The following DIAPH2 variants were observed in gnomAD, a reference collection of about 807,000 sequenced individuals.
The protein encoded by DIAPH2 is protein diaphanous homolog 2.
Under a neutral mutation model 92.7 loss-of-function variants are expected in DIAPH2, and 35 were observed. The ratio of observed to expected loss-of-function variants is 0.38; its 90% CI spans 0.29 to 0.50. DIAPH2 has a LOEUF of 0.50. Among genes scored for constraint, DIAPH2 ranks in the 20% least tolerant of loss-of-function variants. The probability of loss-of-function intolerance (pLI) is 0.94; values close to 1 mark genes in which losing one functional copy is unlikely to be tolerated. For synonymous variants in DIAPH2, 301 were observed against 280.4 expected, an observed-to-expected ratio of 1.07 and a Z score of -0.73; for missense variants, 701 against 819.5, an observed-to-expected ratio of 0.86 and a Z score of 1.77.
At chrX:96,907,103 A>G (rs1054877856) in intron 5 of DIAPH2, among the ~76,000 whole-genome samples, 3 of 112,067 alleles carry the variant, frequency 2.7e-5, no homozygotes, top group Non-Finnish European at 5.6e-5. Context: ...TATAACACAA[A>G]ATCACCAATA....
chrX:97,325,311 A>C (rs2147660335), intron 23 of DIAPH2, among the ~76,000 whole-genome samples: 1 of 111,783 alleles, frequency 8.9e-6, no homozygotes, highest in South Asian at 3.7e-4. Flanking sequence ...TCTTATAGCC[A>C]TAATTTGCCT....
At chrX:97,272,075 T>C (rs140818214) in intron 23 of DIAPH2, among the ~76,000 whole-genome samples, 7,812 of 110,041 alleles carry the variant, frequency 0.071, 352 homozygotes, top group African/African-American at 0.17. Context: ...CTTGGCTCAC[T>C]GCAACCTCCA....
chrX:97,349,364 C>T (rs2069190845), intron 24 of DIAPH2, among the ~76,000 whole-genome samples: 1 of 111,143 alleles, frequency 9.0e-6, no homozygotes, highest in Non-Finnish European at 1.9e-5. Context: ...GTTGGGATTA[C>T]AGGCGTGAGG....
chrX:96,928,658 C>T (rs936522641), intron 9 of DIAPH2, among the ~76,000 whole-genome samples: 9 of 110,508 alleles, frequency 8.1e-5, no homozygotes, highest in African/African-American at 2.6e-4. Context: ...GTTTATTCAT[C>T]TGTTATTTGT....
chrX:97,453,652 CGTT>C (rs1317976508), intron 26 of DIAPH2, among the ~76,000 whole-genome samples: 1 of 111,359 alleles, frequency 9.0e-6, no homozygotes, highest in South Asian at 3.8e-4. Context: ...AGCCATATGA[CGTT>C]GTTGTTTGAC....
chrX:97,495,575 T>C (rs2070752575), intron 26 of DIAPH2, among the ~76,000 whole-genome samples: 1 of 111,624 alleles, frequency 9.0e-6, no homozygotes, highest in African/African-American at 3.3e-5. Context: ...AAACCCCTTA[T>C]AGGCCACTGG....
At chrX:97,470,696 A>G (rs1169507963) in intron 26 of DIAPH2, among the ~76,000 whole-genome samples, 1 of 110,049 alleles carries the variant, frequency 9.1e-6, no homozygotes, top group Non-Finnish European at 1.9e-5. Flanking sequence ...GTGTTAAGAA[A>G]AAAAAAAAAA....
chrX:97,450,352 CT>C (rs2070348656), intron 26 of DIAPH2, among the ~76,000 whole-genome samples: 1 of 111,894 alleles, frequency 8.9e-6, no homozygotes, highest in South Asian at 3.7e-4. Context: ...TGTATACAAT[CT>C]TTAACCTACA....
At chrX:97,229,250 A>AG (rs1474964081) in intron 22 of DIAPH2, among the ~76,000 whole-genome samples, 1 of 111,981 alleles carries the variant, frequency 8.9e-6, no homozygotes, top group Non-Finnish European at 1.9e-5. Context: ...AGCTCTGGGG[A>AG]CTTCAAATGT....
At chrX:96,854,253 A>G (rs944571440) in intron 4 of DIAPH2, among the ~76,000 whole-genome samples, 1 of 110,455 alleles carries the variant, frequency 9.1e-6, no homozygotes, top group South Asian at 3.8e-4. Context: ...GACCTCATTC[A>G]TCTTTTAAGC....
intron 25 of DIAPH2, among the ~76,000 whole-genome samples, chrX:97,390,851 T>G (rs772705022): frequency 3.6e-5 from 4 of 112,347 alleles, no homozygotes; most frequent in Non-Finnish European, 7.5e-5. Flanking sequence ...AATATCCAAA[T>G]AAGTTTTTAT....
intron 1 of DIAPH2, among the ~76,000 whole-genome samples, chrX:96,720,407 C>A (rs920091632): frequency 1.8e-4 from 20 of 111,628 alleles, no homozygotes; most frequent in African/African-American, 6.5e-4. Context: ...TTATTACTTA[C>A]ACTCGAAGAG....
chrX:97,256,497 T>C (rs1419424749), intron 23 of DIAPH2, among the ~76,000 whole-genome samples: 3 of 112,491 alleles, frequency 2.7e-5, no homozygotes, highest in Non-Finnish European at 5.6e-5. Context: ...CTCAATCATG[T>C]ACTGTTTTCA....
At chrX:96,876,981 A>G (rs767891148) in intron 4 of DIAPH2, among the ~76,000 whole-genome samples, 88 of 111,412 alleles carry the variant, frequency 7.9e-4, no homozygotes, top group Middle Eastern at 4.7e-3. Flanking sequence ...ATTTTAATAT[A>G]TTTTTTATAT....
At chrX:97,394,104 G>A (rs1283032598) in intron 25 of DIAPH2, among the ~76,000 whole-genome samples, 1 of 111,543 alleles carries the variant, frequency 9.0e-6, no homozygotes, top group Non-Finnish European at 1.9e-5. Context: ...ATTTTGATCT[G>A]AATAGGTCAA....
At chrX:97,597,200 A>G (rs2071558015) in intron 26 of DIAPH2, among the ~76,000 whole-genome samples, 1 of 111,725 alleles carries the variant, frequency 9.0e-6, no homozygotes, top group Non-Finnish European at 1.9e-5. Flanking sequence ...AGGAAAGGAG[A>G]AAGGAATAAA....
intron 26 of DIAPH2, among the ~76,000 whole-genome samples, chrX:97,534,010 G>C (rs1231080712): frequency 3.6e-5 from 4 of 110,780 alleles, no homozygotes; most frequent in Non-Finnish European, 7.6e-5. Flanking sequence ...AATGATTTTT[G>C]CTCTAGAATC....
chrX:97,336,015 C>T lies in DIAPH2; in HGVS notation c.2845-12101C>T, dbSNP rs572771876. Among the ~76,000 whole-genome samples, 7 of 110,661 alleles carry T rather than the reference C, an allele frequency of 6.3e-5. No individual in the cohort carries two copies. In the South Asian group the frequency reaches 2.7e-3, roughly 43 times the overall value. On this transcript the variant is annotated intron_variant, in intron 23 of 26. Transcript: ENST00000324765. ...AGTCTCTAGTATTCTAGGCCTTTTT[C>T]ATCTTCTTTGTGTTCCTAGAATATT... is the stretch of plus-strand genomic sequence containing the variant.
At chrX:97,595,385 C>G (rs2071543616) in intron 26 of DIAPH2, among the ~76,000 whole-genome samples, 1 of 112,208 alleles carries the variant, frequency 8.9e-6, no homozygotes, top group Admixed American at 9.5e-5. Flanking sequence ...CATAAAGCTT[C>G]TTACTCATAT....
Sources: allele counts gnomAD v4.1 joint callset (sites outside exome capture counted in the v4.1 genomes callset), GRCh38; gene constraint gnomAD v4.1.1; transcripts MANE v1.5; gene names NCBI Gene and HGNC (gene_info 2026-07-23, HGNC 2026-07-21).